PTPRG: variants seen among roughly 807,000 people sequenced by gnomAD.
PTPRG encodes the protein receptor-type tyrosine-protein phosphatase gamma.
A neutral mutation model predicts 165.3 loss-of-function variants in PTPRG; 102 were observed. That is an observed-to-expected ratio of 0.62 (90% CI 0.53 to 0.73). The LOEUF (loss-of-function observed/expected upper bound fraction) is 0.73, where lower values mean the gene tolerates loss of function less well. PTPRG is among the 30% of genes least tolerant of loss of function. PTPRG has a pLI of 0.00. For synonymous variants in PTPRG, 675 were observed against 669.5 expected, an observed-to-expected ratio of 1.01 and a Z score of -0.13; for missense variants, 1,866 against 1,861.4, an observed-to-expected ratio of 1.00 and a Z score of -0.05.
rs186858547 is a variant in PTPRG at position 61,880,614 on chromosome 3, C to T, written c.191-109011C>T. Among the ~76,000 whole-genome samples the T allele has an allele frequency of 3.4e-4, 47 of 138,928 alleles. 1 individual carries two copies. In the East Asian group the frequency reaches 8.1e-3, roughly 24 times the overall value. 91.1% of individuals were successfully genotyped at this position (138,928 alleles called of 152,430 possible). ...ACCTCAGCTTGGGTGACAACGCGAA[C>T]CCTGTCTCAAAAAAAAAAAAAAAAA... On this transcript the variant is annotated intron_variant, in intron 2 of 29. Transcript: ENST00000474889.
rs1316676757 is a variant in PTPRG, at chr3:62,271,467, C to A, written c.3094C>A (p.Pro1032Thr). The A allele has an allele frequency of 3.7e-6, 6 of 1,613,784 alleles. No individual in the cohort carries two copies. ...TACACAGTGGCCTGACATGGGAGTTCCCGAGTATGCCCTTCCAGTACTGAC... is the reference window on the plus strand; with the variant it reads ...TACACAGTGGCCTGACATGGGAGTTACCGAGTATGCCCTTCCAGTACTGAC... ...HYTQWPDMGV[P>T]EYALPVLTFV... is the part of the protein sequence containing the mutation. Residue 1032 changes from proline (P) to threonine (T), a missense_variant, in exon 21 of 30, where the codon CCC (proline) becomes ACC (threonine). By Grantham distance (38) the Pro-to-Thr change is conservative (BLOSUM62 -1). Transcript: ENST00000474889. This position sits in a 1 kb window ranked among gnomAD's most constrained non-coding sequence, Gnocchi z 4.1.
intron 4 of PTPRG, among the ~76,000 whole-genome samples, chr3:62,064,850 G>A (rs112911587): frequency 0.17 from 25,292 of 150,048 alleles, 3,983 homozygotes; most frequent in African/African-American, 0.42. Flanking sequence ...CTCCTGCCTC[G>A]GCCTCCCGAG....
At chr3:61,583,992 C>T (rs1700371598) in intron 1 of PTPRG, among the ~76,000 whole-genome samples, 1 of 152,322 alleles carries the variant, frequency 6.6e-6, no homozygotes, top group Admixed American at 6.5e-5. Flanking sequence ...GGAACCTTCT[C>T]CCCTGCCTGC....
chr3:61,860,434 CTTTTTTTT>C (rs766688465), intron 2 of PTPRG, among the ~76,000 whole-genome samples: 19 of 95,550 alleles, frequency 2.0e-4, no homozygotes, highest in African/African-American at 4.2e-4. Context: ...GTTTTTGTTC[CTTTTTTTT>C]TTTTTTTTTT....
At chr3:61,605,278 C>T (rs1700971012) in intron 1 of PTPRG, among the ~76,000 whole-genome samples, 2 of 152,074 alleles carry the variant, frequency 1.3e-5, no homozygotes, top group Admixed American at 1.3e-4. Context: ...TCTTTTGATA[C>T]AGAGTCTTGC....
At chr3:62,125,917 G>T (rs901658948) in intron 5 of PTPRG, among the ~76,000 whole-genome samples, 1 of 152,126 alleles carries the variant, frequency 6.6e-6, no homozygotes. Context: ...CTGAAACACA[G>T]TGTATTAAAA....
At chr3:61,860,908 T>C (rs2037249829) in intron 2 of PTPRG, among the ~76,000 whole-genome samples, 1 of 151,542 alleles carries the variant, frequency 6.6e-6, no homozygotes, top group Non-Finnish European at 1.5e-5. Flanking sequence ...ACAGTCAAGA[T>C]TCTGAATAAG....
intron 5 of PTPRG, among the ~76,000 whole-genome samples, chr3:62,132,300 T>G (rs921998912): frequency 2.6e-5 from 4 of 152,234 alleles, no homozygotes; most frequent in Non-Finnish European, 2.9e-5. Flanking sequence ...TTGGGCCTAC[T>G]TTTAATAAAA....
intron 1 of PTPRG, among the ~76,000 whole-genome samples, chr3:61,744,368 TAAC>T (rs1421522548): frequency 7.9e-5 from 12 of 152,174 alleles, no homozygotes; most frequent in Admixed American, 3.9e-4. Flanking sequence ...AGAGTGTACT[TAAC>T]AAACTTAGAT....
intron 1 of PTPRG, among the ~76,000 whole-genome samples, chr3:61,690,924 A>G (rs1176013256): frequency 6.6e-6 from 1 of 152,096 alleles, no homozygotes; most frequent in Non-Finnish European, 1.5e-5. Context: ...CATCTCTGAG[A>G]TGAGACTGCT....
chr3:61,973,397 C>G (rs1471880040), intron 2 of PTPRG, among the ~76,000 whole-genome samples: 2 of 152,198 alleles, frequency 1.3e-5, no homozygotes, highest in African/African-American at 4.8e-5. Context: ...TTGCATCATT[C>G]AGGGTTTAGT....
intron 5 of PTPRG, among the ~76,000 whole-genome samples, chr3:62,096,823 C>A (rs1253436588): frequency 6.6e-6 from 1 of 152,156 alleles, no homozygotes; most frequent in Non-Finnish European, 1.5e-5. Flanking sequence ...AATAAAAGAA[C>A]AAATTAGGTG....
intron 5 of PTPRG, among the ~76,000 whole-genome samples, chr3:62,129,848 T>C (rs1405685650): frequency 6.6e-6 from 1 of 152,190 alleles, no homozygotes; most frequent in African/African-American, 2.4e-5. Flanking sequence ...AACACCTTTT[T>C]GGAGGAGCAC....
intron 1 of PTPRG, among the ~76,000 whole-genome samples, chr3:61,744,880 G>A (rs1220326503): frequency 6.6e-6 from 1 of 151,980 alleles, no homozygotes; most frequent in Non-Finnish European, 1.5e-5. Context: ...TTTGTGATAG[G>A]TGGGCAGTGG....
At chr3:62,076,394 C>T (rs569382090) in intron 4 of PTPRG, among the ~76,000 whole-genome samples, 2 of 152,242 alleles carry the variant, frequency 1.3e-5, no homozygotes, top group African/African-American at 2.4e-5. Flanking sequence ...CTTATTTGAG[C>T]CTCACAATTA....
At chr3:61,668,356 A>G (rs1702866862) in intron 1 of PTPRG, among the ~76,000 whole-genome samples, 1 of 152,210 alleles carries the variant, frequency 6.6e-6, no homozygotes, top group Non-Finnish European at 1.5e-5. Context: ...AACATGTGAA[A>G]AATGGGAGAG....
chr3:62,057,473 T>C (rs1486301291), intron 4 of PTPRG, among the ~76,000 whole-genome samples: 1 of 152,250 alleles, frequency 6.6e-6, no homozygotes, highest in Non-Finnish European at 1.5e-5. Flanking sequence ...ATCTGCATCT[T>C]AGACAGTGGT....
At chr3:61,761,687 C>G (rs1559597760) in intron 2 of PTPRG, among the ~76,000 whole-genome samples, 1 of 152,186 alleles carries the variant, frequency 6.6e-6, no homozygotes, top group Non-Finnish European at 1.5e-5. Flanking sequence ...TTGAGTTGAT[C>G]TTGAGAGTTT....
intron 2 of PTPRG, among the ~76,000 whole-genome samples, chr3:61,980,803 T>G (rs1436270149): frequency 6.6e-6 from 1 of 152,180 alleles, no homozygotes; most frequent in Non-Finnish European, 1.5e-5. Context: ...GTTACTGTCT[T>G]TTTACTTTTC....
Sources: allele counts gnomAD v4.1 joint callset (sites outside exome capture counted in the v4.1 genomes callset), GRCh38; gene constraint gnomAD v4.1.1; non-coding constraint Gnocchi (gnomAD v3.1); transcripts MANE v1.5; gene names NCBI Gene and HGNC (gene_info 2026-07-23, HGNC 2026-07-21).